MED17: variants seen among roughly 807,000 people sequenced by gnomAD.
The protein encoded by MED17 is mediator of RNA polymerase II transcription subunit 17.
In MED17, 49 loss-of-function variants were observed where a neutral mutation model predicts 80.8. The observed-to-expected ratio is 0.61, with a 90% CI of 0.48 to 0.77. The LOEUF (loss-of-function observed/expected upper bound fraction) is 0.77. Ranked by LOEUF, MED17 falls within the 30% of genes least tolerant of loss-of-function variation. MED17 has a pLI of 0.00. For missense variants in MED17, 718 were observed against 787.0 expected (o/e 0.91, Z 1.05); for synonymous variants, 281 against 280.4 (o/e 1.00, Z -0.02).
In MED17 at chr11:93,786,555, C is replaced by G. The variant is rs191523811; in HGVS notation, c.251-1446C>G. 3.9e-5 allele frequency among the ~76,000 whole-genome samples: 6 copies of G among 151,956 alleles called. No individual in the cohort carries two copies. In the South Asian group the frequency reaches 1.2e-3, roughly 32 times the overall value. On this transcript the variant is annotated intron_variant, in intron 1 of 11. Coordinates refer to ENST00000251871, the MANE Select transcript of MED17 (RefSeq NM_004268.5). ...AATCTCGGCTCACTGCAACCCCTGC[C>G]TCCTGGATTCAAAACGATTCTCCCA...
rs932120203 is a variant in MED17, at chr11:93,813,614, G to T, written c.*1550G>T. On this transcript the variant is annotated 3_prime_UTR_variant, in exon 12 of 12. Transcript: ENST00000251871. ...GTTTATATAAACTTCTCCCATTGCA[G>T]ATTGATACTTTGGTAAACTAATAAA... The T allele has an allele frequency of 6.6e-6, 1 of 152,158 alleles. No individual in the cohort carries two copies. The highest frequency in any genetic ancestry group is 2.4e-5 in the African/African-American group (1 of 41,440). 9.4% of individuals were successfully genotyped at this position (152,158 alleles called of 1,614,324 possible). A position where few individuals can be genotyped will look rare whatever the true frequency, so the allele number is the denominator to read the frequency against.
chr11:93,784,451 C>T lies in MED17; in HGVS notation c.-63C>T, dbSNP rs1943745415. On this transcript the variant is annotated 5_prime_UTR_variant, in exon 1 of 12. Transcript: ENST00000251871. ...TTCCCGGCTCTCCGCAGGGAAGCCT[C>T]CTCTTCGTACCTCGTTTTTTGGCTC... The T allele has an allele frequency of 1.9e-6, 3 of 1,544,378 alleles. No individual in the cohort carries two copies. Among genetic ancestry groups the T allele is most frequent in the Non-Finnish European group, 2.6e-6 (3 of 1,147,340 alleles).
At chr11:93,785,077 A>G in intron 1 of MED17, 1 of 471,564 alleles carries the variant, frequency 2.1e-6, no homozygotes, top group South Asian at 2.7e-5. Context: ...AAAGAGCCCT[A>G]GATCGGGGCT....
intron 3 of MED17, among the ~76,000 whole-genome samples, chr11:93,791,332 C>A (rs900382259): frequency 5.3e-5 from 8 of 152,114 alleles, no homozygotes; most frequent in African/African-American, 1.9e-4. Flanking sequence ...TGCTGACACA[C>A]CTTGAAGCAT....
Position 93,790,627 on chromosome 11 carries a change from A to G in MED17, c.471A>G (p.Ala157=). The stretch of plus-strand genomic sequence containing the variant: ...AAAAGAAGTCACTTGCTGGAGCAGC[A>G]CAAATCTTATTGAAGGGGGCAGAAA... ...ISKKKSLAGA[A]QILLKGAERL... The change falls in exon 3 of 12, where the codon GCA becomes GCG. Residue 157 remains alanine, a synonymous_variant. Transcript: ENST00000251871. The G allele has an allele frequency of 6.2e-7, 1 of 1,614,238 alleles. No homozygotes were observed. The highest frequency in any genetic ancestry group is 8.5e-7 in the Non-Finnish European group (1 of 1,180,048).
In MED17 at chr11:93,791,460, T is replaced by G. The variant is rs537886410; in HGVS notation, c.637+667T>G. Reference sequence around the variant, plus strand: ...TGGCTCACACCTGTAATCCTAGCACTTTGGGAGGCTGAGGTGGGCAGATTG... The same window carrying G: ...TGGCTCACACCTGTAATCCTAGCACGTTGGGAGGCTGAGGTGGGCAGATTG... On this transcript the variant is annotated intron_variant, in intron 3 of 11. Transcript: ENST00000251871. Among the ~76,000 whole-genome samples the G allele has an allele frequency of 5.3e-5, 8 of 152,076 alleles. No individual in the cohort carries two copies. In the South Asian group the frequency reaches 1.7e-3, roughly 32 times the overall value.
rs575244422 is a variant in MED17, at chr11:93,795,157, G to A, written c.1012+97G>A. The A allele has an allele frequency of 8.5e-5, 113 of 1,322,398 alleles. No homozygotes were observed. In the African/African-American group the frequency reaches 1.5e-3, roughly 18 times the overall value. The allele number at this position is 1,322,398 out of a possible 1,614,324, so 81.9% of individuals were successfully genotyped here. ...TCTTAGGGTGTATTGGGAGAATAAT[G>A]AGAGCAAAGAAATAGTGTGCTATCC... On this transcript the variant is annotated intron_variant, in intron 6 of 11. Transcript: ENST00000251871.
intron 6 of MED17, chr11:93,796,123 T>G (rs1008464545): frequency 1.8e-4 from 66 of 360,922 alleles, no homozygotes; most frequent in African/African-American, 2.3e-4. Flanking sequence ...CTAATTTTTT[T>G]TGTGTTTTTA....
Position 93,794,688 on chromosome 11 carries a change from G to A in MED17, c.860-220G>A, listed in dbSNP as rs950344336. On this transcript the variant is annotated intron_variant, in intron 5 of 11. Transcript: ENST00000251871. ...CTTTCCTCTTCAGGAATGAAAGATT[G>A]GGGTGGTGGGGAACTTCTCAATACC... 39 of 584,292 alleles carry A rather than the reference G, an allele frequency of 6.7e-5. No homozygotes were observed. The East Asian group carries it at 1.1e-3, about 16-fold the overall frequency. The allele number at this position is 584,292 out of a possible 1,614,324, so 36.2% of individuals were successfully genotyped here. A position where few individuals can be genotyped will look rare whatever the true frequency, so the allele number is the denominator to read the frequency against.
chr11:93,806,076 G>A (rs1172010278), intron 9 of MED17: 1 of 148,764 alleles, frequency 6.7e-6, no homozygotes, highest in East Asian at 2.0e-4. Context: ...CTGCCTCCCG[G>A]GTTCAAGCAA....
chr11:93,812,894 T>TTCTCCCACTTGATTGACCTCACCAG lies in MED17; in HGVS notation c.*832_*856dup. ...GGCGTCCTCAAGTTTTTTTGGTCTG[T>TTCTCCCACTTGATTGACCTCACCAG]TCTCCCACTTGATTGACCTCACCAG... On this transcript the variant is annotated 3_prime_UTR_variant, in exon 12 of 12. Transcript: ENST00000251871. 6.6e-6 allele frequency: 1 copy of TTCTCCCACTTGATTGACCTCACCAG among 152,274 alleles called. No homozygotes were observed. The highest frequency in any genetic ancestry group is 1.5e-5 in the Non-Finnish European group (1 of 68,116). The allele number at this position is 152,274 out of a possible 1,614,324, so 9.4% of individuals were successfully genotyped here. A position where few individuals can be genotyped will look rare whatever the true frequency, so the allele number is the denominator to read the frequency against.
In MED17 at chr11:93,790,784, A is replaced by G. The variant is rs1459805086; in HGVS notation, c.628A>G (p.Arg210Gly). 2 of 1,613,782 alleles carry G rather than the reference A, an allele frequency of 1.2e-6. No individual in the cohort carries two copies. Among genetic ancestry groups the G allele is most frequent in the East Asian group, 2.2e-5 (1 of 44,888 alleles). ...TAAAATTCTCGGAGATCTGAGCTAC[A>G]GAAGTGCAGGTATGAATAATTATTA... is the stretch of plus-strand genomic sequence containing the variant. Reference protein sequence around the residue: ...GDKILGDLSYRSAGSLFPHHG... With the variant: ...GDKILGDLSYGSAGSLFPHHG... Residue 210 changes from arginine (R) to glycine (G), a missense_variant, in exon 3 of 12, where the codon AGA (arginine) becomes GGA (glycine). Arg to Gly is a moderately radical substitution (Grantham distance 125). Transcript: ENST00000251871.
intron 3 of MED17, 123 bp from the exon 4 acceptor site, chr11:93,793,605 T>G (rs764850049): frequency 1.3e-6 from 1 of 748,172 alleles, no homozygotes; most frequent in Non-Finnish European, 2.2e-6. Context: ...AAAACATATG[T>G]TTTTTAGTGG....
chr11:93,799,160 A>T (rs1438939844), intron 8 of MED17, among the ~76,000 whole-genome samples: 1 of 149,556 alleles, frequency 6.7e-6, no homozygotes, highest in Non-Finnish European at 1.5e-5. Context: ...ACATAGTGAG[A>T]CCTTGTCTCT....
At chr11:93,788,420 G>T in intron 2 of MED17, 1 of 340,318 alleles carries the variant, frequency 2.9e-6, no homozygotes, top group Non-Finnish European at 5.5e-6. Context: ...GGTGGCTCAC[G>T]CCTGTAATCC....
At chr11:93,797,495 C>A in intron 7 of MED17, 40 bp from the exon 8 acceptor site, 2 of 1,534,478 alleles carry the variant, frequency 1.3e-6, no homozygotes, top group Non-Finnish European at 1.8e-6. Context: ...GTAGCATTTA[C>A]TATGTGGATA....
intron 8 of MED17, among the ~76,000 whole-genome samples, chr11:93,800,263 G>T (rs187264535): frequency 6.6e-6 from 1 of 152,096 alleles, no homozygotes; most frequent in Non-Finnish European, 1.5e-5. Context: ...AAAGCCCCTT[G>T]TCCCCACTGG....
chr11:93,809,055 G>C (rs1005554667), intron 10 of MED17: 2 of 157,390 alleles, frequency 1.3e-5, no homozygotes, highest in Non-Finnish European at 2.8e-5. Context: ...GGATAGTGTG[G>C]TAACCTGCTG....
chr11:93,788,555 C>T (rs1268405972), intron 2 of MED17: 1 of 183,690 alleles, frequency 5.4e-6, no homozygotes, highest in South Asian at 1.0e-4. Context: ...GTGGTGGGCA[C>T]CTGTAGTCCC....
Sources: allele counts gnomAD v4.1 joint callset (sites outside exome capture counted in the v4.1 genomes callset), GRCh38; gene constraint gnomAD v4.1.1; transcripts MANE v1.5; gene names NCBI Gene and HGNC (gene_info 2026-07-23, HGNC 2026-07-21).